Variants in GRIK2 observed in about 807,000 individuals in gnomAD.
The protein encoded by GRIK2 is glutamate receptor ionotropic, kainate 2.
In GRIK2, 32 loss-of-function variants were observed where a neutral mutation model predicts 100.3. The ratio of observed to expected loss-of-function variants is 0.32; its 90% CI spans 0.24 to 0.43. GRIK2 has a LOEUF of 0.43. GRIK2 is among the 20% of genes least tolerant of loss of function. The pLI, the probability that GRIK2 is intolerant of heterozygous loss-of-function variation, is 1.00. For missense variants in GRIK2, 843 were observed against 1,114.9 expected (o/e 0.76, Z 3.47); for synonymous variants, 417 against 389.4 (o/e 1.07, Z -0.83).
chr6:101,953,551 G>GTATA (rs1190244785), intron 14 of GRIK2, among the ~76,000 whole-genome samples: 1 of 152,088 alleles, frequency 6.6e-6, no homozygotes. Context: ...TTCACCATTT[G>GTATA]TATATCTTTG....
intron 7 of GRIK2, among the ~76,000 whole-genome samples, chr6:101,699,978 T>G (rs897385285): frequency 2.6e-5 from 4 of 152,026 alleles, no homozygotes; most frequent in Admixed American, 2.6e-4. Context: ...GAGACTCCGT[T>G]TCTACAAACA....
chr6:101,842,429 AT>A, intron 10 of GRIK2, among the ~76,000 whole-genome samples: 1 of 152,224 alleles, frequency 6.6e-6, no homozygotes, highest in Admixed American at 6.5e-5. Context: ...CTTCTCTCAC[AT>A]CTAATGATCC....
At chr6:101,678,419 G>T (rs1295543357) in intron 5 of GRIK2, among the ~76,000 whole-genome samples, 2 of 152,080 alleles carry the variant, frequency 1.3e-5, no homozygotes, top group South Asian at 4.1e-4. Flanking sequence ...AAGGTCAGTA[G>T]ATGAAAAATT....
chr6:101,996,486 A>G (rs1794656502), intron 14 of GRIK2, among the ~76,000 whole-genome samples: 1 of 152,086 alleles, frequency 6.6e-6, no homozygotes, highest in Admixed American at 6.6e-5. Context: ...TGCTGTTTCT[A>G]CTAAAATCTC....
intron 9 of GRIK2, 61 bp from the exon 10 acceptor site, chr6:101,818,309 T>C (rs1583205557): frequency 2.3e-6 from 2 of 873,114 alleles, no homozygotes; most frequent in East Asian, 5.1e-5. Flanking sequence ...AACTTTCTTT[T>C]GCAGTACTCT....
intron 2 of GRIK2, among the ~76,000 whole-genome samples, chr6:101,528,303 T>C (rs1288248883): frequency 6.6e-6 from 1 of 152,194 alleles, no homozygotes; most frequent in Non-Finnish European, 1.5e-5. Flanking sequence ...GTATACTCTA[T>C]ATTATATAAC....
intron 2 of GRIK2, among the ~76,000 whole-genome samples, chr6:101,410,098 A>G (rs1033890862): frequency 7.9e-5 from 12 of 152,148 alleles, no homozygotes; most frequent in African/African-American, 2.9e-4. Flanking sequence ...ATACAACATC[A>G]GAAGAAACAA....
intron 7 of GRIK2, among the ~76,000 whole-genome samples, chr6:101,749,826 T>TG (rs869211626): frequency 7.0e-6 from 1 of 141,946 alleles, no homozygotes; most frequent in Non-Finnish European, 1.5e-5. Context: ...TTTTTTTTTT[T>TG]GTGTGAGACA....
intron 2 of GRIK2, among the ~76,000 whole-genome samples, chr6:101,458,204 A>G (rs1479021983): frequency 4.0e-5 from 6 of 150,888 alleles, no homozygotes; most frequent in Non-Finnish European, 7.4e-5. Context: ...TTTTTTTTTT[A>G]AAGGACATTT....
intron 14 of GRIK2, among the ~76,000 whole-genome samples, chr6:102,016,800 G>T (rs1795858663): frequency 6.6e-6 from 1 of 151,928 alleles, no homozygotes; most frequent in Non-Finnish European, 1.5e-5. Flanking sequence ...TTCACAAGAA[G>T]ATTATACTCA....
rs527804382 is a variant in GRIK2 at position 101,873,552 on chromosome 6, A to G, written c.1524+14059A>G. On this transcript the variant is annotated intron_variant, in intron 11 of 16. Coordinates refer to ENST00000369134, the MANE Select transcript of GRIK2 (RefSeq NM_021956.5). ...GCTATTGTGAATAGTGCCACAATAA[A>G]CATACATGTGCATGTTTCTTTATAG... Among the ~76,000 whole-genome samples the G allele has an allele frequency of 2.4e-3, 360 of 152,162 alleles. 2 individuals carry two copies. The highest frequency in any genetic ancestry group is 8.4e-3 in the African/African-American group (350 of 41,526).
chr6:101,692,067 A>AAAAAAAAAAAAAAAAG (rs1772146800), intron 7 of GRIK2, among the ~76,000 whole-genome samples: 1 of 145,344 alleles, frequency 6.9e-6, no homozygotes, highest in African/African-American at 2.6e-5. Flanking sequence ...AAAAAAAAAA[A>AAAAAAAAAAAAAAAAG]GCAATGGAAA....
intron 11 of GRIK2, among the ~76,000 whole-genome samples, chr6:101,873,178 G>A (rs922040371): frequency 2.0e-5 from 3 of 151,712 alleles, no homozygotes; most frequent in Admixed American, 6.6e-5. Context: ...CATGTGCCAC[G>A]TTGGTGTGCT....
At chr6:101,477,040 C>A (rs1772271703) in intron 2 of GRIK2, among the ~76,000 whole-genome samples, 1 of 152,092 alleles carries the variant, frequency 6.6e-6, no homozygotes, top group Admixed American at 6.5e-5. Context: ...CATTTTTAAA[C>A]TCTCTATCGC....
intron 4 of GRIK2, among the ~76,000 whole-genome samples, chr6:101,668,811 G>C (rs1472681344): frequency 1.3e-5 from 2 of 152,186 alleles, no homozygotes; most frequent in African/African-American, 4.8e-5. Context: ...GCCTGCCGTA[G>C]AAGTGGTGTG....
intron 11 of GRIK2, among the ~76,000 whole-genome samples, chr6:101,868,564 A>C (rs1339214752): frequency 6.6e-6 from 1 of 151,694 alleles, no homozygotes; most frequent in African/African-American, 2.4e-5. Context: ...CTGAAAACAG[A>C]TATAAAAAAG....
At chr6:101,660,651 A>C (rs1769542832) in intron 4 of GRIK2, among the ~76,000 whole-genome samples, 2 of 151,916 alleles carry the variant, frequency 1.3e-5, no homozygotes, top group South Asian at 4.2e-4. Flanking sequence ...CTTCTGATGG[A>C]GTTTTTGTGT....
Position 101,719,138 on chromosome 6 carries a change from GTTTTTTTTTTTTTTTTTTT to G in GRIK2, c.951+32805_951+32823del, listed in dbSNP as rs60301711. On this transcript the variant is annotated intron_variant, in intron 7 of 16. Transcript: ENST00000369134. ...CTGAAATGTGCAACAGGCTGCAAGG[GTTTTTTTTTTTTTTTTTTT>G]TTTTTTTTTTTTTTTTTTTGATGAA... Among the ~76,000 whole-genome samples the G allele has an allele frequency of 3.9e-4, 39 of 101,144 alleles. 2 individuals are homozygous for G. In the South Asian group the frequency reaches 5.1e-3, roughly 13 times the overall value. The allele number at this position is 101,144 out of a possible 152,430, so 66.4% of individuals were successfully genotyped here.
chr6:101,677,318 T>C (rs962103745), intron 5 of GRIK2, among the ~76,000 whole-genome samples: 2 of 152,238 alleles, frequency 1.3e-5, no homozygotes, highest in South Asian at 4.1e-4. Context: ...ACTTGACCAA[T>C]GTCAAGTAGC....
Sources: allele counts gnomAD v4.1 joint callset (sites outside exome capture counted in the v4.1 genomes callset), GRCh38; gene constraint gnomAD v4.1.1; transcripts MANE v1.5; gene names NCBI Gene and HGNC (gene_info 2026-07-23, HGNC 2026-07-21).